CEP112: variants seen among roughly 807,000 people sequenced by gnomAD.
The protein encoded by CEP112 is centrosomal protein of 112 kDa.
CEP112 carries 127 observed loss-of-function variants against 153.0 expected under a neutral mutation model. That is an observed-to-expected ratio of 0.83 (90% CI 0.72 to 0.96). The LOEUF is 0.96. CEP112 is among the 40% of genes least tolerant of loss of function. The pLI is 0.00. For synonymous variants in CEP112, 358 were observed against 374.4 expected, an observed-to-expected ratio of 0.96 and a Z score of 0.51; for missense variants, 1,089 against 1,101.2, an observed-to-expected ratio of 0.99 and a Z score of 0.16.
chr17:65,844,971 C>T (rs754035155), intron 21 of CEP112, among the ~76,000 whole-genome samples: 3 of 151,642 alleles, frequency 2.0e-5, no homozygotes, highest in Non-Finnish European at 4.4e-5. Flanking sequence ...CGAGATTGTG[C>T]CACTGCACTT....
intron 25 of CEP112, among the ~76,000 whole-genome samples, chr17:65,640,155 T>TATATATATATATATA (rs1491163281): frequency 1.2e-4 from 3 of 24,974 alleles, no homozygotes; most frequent in African/African-American, 2.0e-4. Context: ...TATATATATA[T>TATATATATATATATA]TTTTTTTTTT....
At chr17:65,821,495 A>ATT (rs1022196828) in intron 21 of CEP112, among the ~76,000 whole-genome samples, 1 of 122,316 alleles carries the variant, frequency 8.2e-6, no homozygotes, top group Admixed American at 8.9e-5. Context: ...TATATATATA[A>ATT]TTATATATAT....
At chr17:66,111,916 A>G (rs1321176528) in intron 6 of CEP112, among the ~76,000 whole-genome samples, 1 of 152,224 alleles carries the variant, frequency 6.6e-6, no homozygotes, top group African/African-American at 2.4e-5. Flanking sequence ...CATCATCAAG[A>G]AAATGATAAA....
At chr17:65,970,114 C>A (rs952994130) in intron 17 of CEP112, among the ~76,000 whole-genome samples, 5 of 152,212 alleles carry the variant, frequency 3.3e-5, no homozygotes, top group African/African-American at 9.6e-5. Flanking sequence ...ATAGCACATG[C>A]ATATCGCATG....
At chr17:66,027,585 T>C in intron 15 of CEP112, 25 bp from the exon 16 acceptor site, 4 of 1,218,942 alleles carry the variant, frequency 3.3e-6, no homozygotes, top group Non-Finnish European at 4.4e-6. Context: ...TGTTTATATT[T>C]ATTATACTTT....
chr17:65,906,587 G>C (rs8071339), intron 19 of CEP112, among the ~76,000 whole-genome samples: 54,680 of 151,970 alleles, frequency 0.36, 11,700 homozygotes, highest in Non-Finnish European at 0.5. Flanking sequence ...ATGTGTTATA[G>C]TGAATTTATA....
chr17:65,825,121 T>C (rs935504441), intron 21 of CEP112, among the ~76,000 whole-genome samples: 1 of 152,224 alleles, frequency 6.6e-6, no homozygotes, highest in African/African-American at 2.4e-5. Context: ...AAATGTGGTA[T>C]ACACATGCAA....
intron 18 of CEP112, among the ~76,000 whole-genome samples, chr17:65,928,046 C>A (rs532873542): frequency 6.6e-6 from 1 of 152,066 alleles, no homozygotes; most frequent in South Asian, 2.1e-4. Context: ...AGAGACATAT[C>A]TTGAATATAT....
intron 19 of CEP112, among the ~76,000 whole-genome samples, chr17:65,903,579 C>T (rs550623947): frequency 1.6e-4 from 24 of 152,018 alleles, no homozygotes; most frequent in Non-Finnish European, 1.8e-4. Flanking sequence ...TTCCAAACAG[C>T]GGAAAAAGTG....
chr17:66,081,489 T>C (rs1447113467), intron 8 of CEP112, among the ~76,000 whole-genome samples: 1 of 152,202 alleles, frequency 6.6e-6, no homozygotes, highest in Non-Finnish European at 1.5e-5. Flanking sequence ...TGTGACATTA[T>C]GCATATCTGA....
rs530962950 is a variant in CEP112 at position 65,663,258 on chromosome 17, T to C, written c.2698-22193A>G. 6.6e-5 allele frequency among the ~76,000 whole-genome samples: 10 copies of C among 152,346 alleles called. No homozygotes were observed. In the South Asian group the frequency reaches 1.9e-3, roughly 28 times the overall value. ...ATGTGATCTTTGTCATATCCAGTAATCTTCTGTGATCTTTGTCATATCCAG... is the reference window on the plus strand; with the variant it reads ...ATGTGATCTTTGTCATATCCAGTAACCTTCTGTGATCTTTGTCATATCCAG... On this transcript the variant is annotated intron_variant, in intron 24 of 26. Transcript: ENST00000535342.
At chr17:65,851,750 G>T in intron 21 of CEP112, 54 bp downstream of exon 21, 1 of 1,298,538 alleles carries the variant, frequency 7.7e-7, no homozygotes, top group South Asian at 1.3e-5. Context: ...TGGTGGCAAT[G>T]GATTTTAAAC....
At chr17:65,845,858 CCTTGTGGAGGTATTT>C (rs1384681639) in intron 21 of CEP112, among the ~76,000 whole-genome samples, 2 of 152,104 alleles carry the variant, frequency 1.3e-5, no homozygotes, top group Non-Finnish European at 2.9e-5. Flanking sequence ...AGCATTTTGA[CCTTGTGGAGGTATTT>C]CATGTTTCTC....
intron 23 of CEP112, among the ~76,000 whole-genome samples, chr17:65,701,926 T>C (rs1485901385): frequency 7.2e-6 from 1 of 139,828 alleles, no homozygotes; most frequent in Non-Finnish European, 1.5e-5. Context: ...TGAGACGGAG[T>C]CTTGCTCTGT....
At chr17:65,743,242 A>G (rs748511989) in intron 22 of CEP112, 25 bp from the exon 23 acceptor site, 2 of 1,572,330 alleles carry the variant, frequency 1.3e-6, no homozygotes, top group Middle Eastern at 1.7e-4. Context: ...GCATGCTATA[A>G]CTTCAAATTC....
At chr17:65,903,549 T>C (rs2059953220) in intron 19 of CEP112, among the ~76,000 whole-genome samples, 1 of 152,184 alleles carries the variant, frequency 6.6e-6, no homozygotes. Flanking sequence ...GAGTAGCGGG[T>C]ACCATTCCTT....
At chr17:65,756,458 G>A (rs1214063621) in intron 21 of CEP112, among the ~76,000 whole-genome samples, 8 of 140,118 alleles carry the variant, frequency 5.7e-5, no homozygotes, top group Non-Finnish European at 1.2e-4. Context: ...ACGGAATCTT[G>A]AGCCAACTGA....
At chr17:65,679,846 G>A (rs1037213601) in intron 24 of CEP112, among the ~76,000 whole-genome samples, 2 of 152,158 alleles carry the variant, frequency 1.3e-5, no homozygotes, top group Admixed American at 6.5e-5. Flanking sequence ...TCAACTCTTT[G>A]GGAATACAAA....
intron 25 of CEP112, among the ~76,000 whole-genome samples, chr17:65,638,457 C>G (rs1448108287): frequency 1.3e-5 from 2 of 152,200 alleles, no homozygotes; most frequent in African/African-American, 4.8e-5. Context: ...GGGAGTACAG[C>G]TGGCAGAACA....
Sources: allele counts gnomAD v4.1 joint callset (sites outside exome capture counted in the v4.1 genomes callset), GRCh38; gene constraint gnomAD v4.1.1; transcripts MANE v1.5; gene names NCBI Gene and HGNC (gene_info 2026-07-23, HGNC 2026-07-21).